The following DDX50 variants were observed in gnomAD, a reference collection of about 807,000 sequenced individuals.
DDX50 encodes DExD-box helicase 50, also known as ATP-dependent RNA helicase DDX50.
DDX50 carries 56 observed loss-of-function variants against 94.8 expected under a neutral mutation model. The observed-to-expected ratio is 0.59, with a 90% confidence interval of 0.48 to 0.74. DDX50 has a LOEUF of 0.74. Among genes scored for constraint, DDX50 ranks in the 30% least tolerant of loss-of-function variants. DDX50 has a pLI of 0.00. For synonymous variants in DDX50, 264 were observed against 295.4 expected (o/e 0.89, Z 1.09); for missense variants, 713 against 881.2 (o/e 0.81, Z 2.42).
At chr10:68,929,345 T>G (rs1842184652) in intron 8 of DDX50, among the ~76,000 whole-genome samples, 1 of 150,304 alleles carries the variant, frequency 6.7e-6, no homozygotes, top group Non-Finnish European at 1.5e-5. Context: ...CCTTCCTTCC[T>G]TCCTTCTTTC....
chr10:68,920,695 C>T (rs186104774), intron 8 of DDX50, among the ~76,000 whole-genome samples: 139 of 151,808 alleles, frequency 9.2e-4, no homozygotes, highest in African/African-American at 3.3e-3. Context: ...GCTGTAATCC[C>T]AGCACTTTGG....
rs781458826 is a variant in DDX50 at position 68,934,308 on chromosome 10, G to A, written c.1349G>A (p.Arg450His). 7 of 1,613,704 alleles carry A rather than the reference G, an allele frequency of 4.3e-6. No individual in the cohort carries two copies. Among genetic ancestry groups the A allele is most frequent in the Admixed American group, 1.7e-5 (1 of 59,976 alleles). Reference protein sequence around the residue: ...KVLVATNVAARGLDIPEVDLV... With the variant: ...KVLVATNVAAHGLDIPEVDLV... Reference sequence around the variant, plus strand: ...TTGGTGGCAACCAATGTGGCTGCCCGTGGTTTGGACATTCCTGAAGTTGAC... The same window carrying A: ...TTGGTGGCAACCAATGTGGCTGCCCATGGTTTGGACATTCCTGAAGTTGAC... Residue 450 changes from arginine to histidine, a missense_variant, in exon 9 of 15, where the codon CGT becomes CAT. Around this residue, in one of 2 missense-constraint regions of DDX50, gnomAD observed 428 missense variants for 602.3 expected, o/e 0.71. Transcript: ENST00000373585. The surrounding 1 kb of genome is among the most constrained non-coding windows in gnomAD (Gnocchi z 4.0).
chr10:68,937,006 A>G lies in DDX50; in HGVS notation c.1666A>G (p.Lys556Glu). The change falls in exon 12 of 15, where the codon AAA becomes GAA. Residue 556 changes from lysine (K) to glutamate (E), a missense_variant. This residue lies in a region of DDX50 where 428 missense variants were observed against 602.3 expected (regional missense o/e 0.71). Transcript: ENST00000373585. ...RPSAQRLIEE[K>E]GAVDALAAAL... Reference sequence around the variant, plus strand: ...ATCAGCTCAGAGACTGATAGAAGAGAAAGGTGCAGTGGATGCATTGGCTGC... The same window carrying G: ...ATCAGCTCAGAGACTGATAGAAGAGGAAGGTGCAGTGGATGCATTGGCTGC... 6.2e-7 allele frequency: 1 copy of G among 1,612,266 alleles called. No individual in the cohort carries two copies. The highest frequency in any genetic ancestry group is 8.5e-7 in the Non-Finnish European group (1 of 1,179,862).
intron 8 of DDX50, among the ~76,000 whole-genome samples, chr10:68,932,183 G>A (rs1465353319): frequency 6.6e-6 from 1 of 152,218 alleles, no homozygotes; most frequent in East Asian, 1.9e-4. Flanking sequence ...GATAGCAAGT[G>A]CTCACTGAAT....
chr10:68,923,937 C>CTT lies in DDX50; in HGVS notation c.1239+3985_1239+3986dup, dbSNP rs56820953. On this transcript the variant is annotated intron_variant, in intron 8 of 14. Coordinates refer to ENST00000373585, the MANE Select transcript of DDX50 (RefSeq NM_024045.2). The stretch of plus-strand genomic sequence containing the variant: ...TCACTTTATTTGAGGAGATAGTCTG[C>CTT]TTTTTTTTTTTTTTTTTTTTTTTTT... Among the ~76,000 whole-genome samples, 13 of 42,444 alleles carry CTT rather than the reference C, an allele frequency of 3.1e-4. 2 individuals carry two copies. Among genetic ancestry groups the CTT allele is most frequent in the African/African-American group, 8.3e-4 (8 of 9,596 alleles). 27.8% of individuals were successfully genotyped at this position (42,444 alleles called of 152,430 possible).
intron 13 of DDX50, among the ~76,000 whole-genome samples, chr10:68,941,501 C>G (rs1195132175): frequency 1.3e-5 from 2 of 152,060 alleles, no homozygotes; most frequent in Non-Finnish European, 2.9e-5. Flanking sequence ...TTATTTACGA[C>G]TTTATAGTGA....
At chr10:68,924,239 T>A (rs1842018234) in intron 8 of DDX50, among the ~76,000 whole-genome samples, 2 of 152,146 alleles carry the variant, frequency 1.3e-5, no homozygotes, top group African/African-American at 4.8e-5. Flanking sequence ...CCCAAAGTGC[T>A]GGGATTACAG....
At chr10:68,931,589 C>T (rs530809855) in intron 8 of DDX50, among the ~76,000 whole-genome samples, 5 of 150,766 alleles carry the variant, frequency 3.3e-5, no homozygotes, top group Non-Finnish European at 4.4e-5. Flanking sequence ...TACAGGCGCC[C>T]GCCACCACAC....
chr10:68,906,560 G>A (rs1269476414), intron 1 of DDX50, 151 bp from the exon 2 acceptor site: 12 of 746,070 alleles, frequency 1.6e-5, no homozygotes, highest in South Asian at 7.5e-5. Context: ...TTAGAGCTTG[G>A]CATTAGTAAG....
Position 68,934,887 on chromosome 10 carries a change from G to T in DDX50, c.1490G>T (p.Arg497Ile). 1 of 1,613,132 alleles carries T rather than the reference G, an allele frequency of 6.2e-7. No individual in the cohort carries two copies. The highest frequency in any genetic ancestry group is 1.1e-5 in the South Asian group (1 of 90,916). ...ICICFYQPRE[R>I]GQLRYVEQKA... ...ATATGTTTTTATCAACCAAGAGAAA[G>T]AGGTCAACTAAGATATGTGGAACAA... Residue 497 changes from arginine (R) to isoleucine (I), a missense_variant, in exon 10 of 15, where the codon AGA becomes ATA. Physicochemically the swap from Arg to Ile is moderately conservative, Grantham distance 97. Transcript: ENST00000373585. This position sits in a 1 kb window ranked among gnomAD's most constrained non-coding sequence, Gnocchi z 4.0.
chr10:68,911,923 G>A (rs1319278458), intron 4 of DDX50, among the ~76,000 whole-genome samples: 2 of 152,106 alleles, frequency 1.3e-5, no homozygotes, highest in East Asian at 3.8e-4. Flanking sequence ...TGCACTTAAG[G>A]TTTGTAAAAG....
In DDX50 at chr10:68,938,761, ACATATACC is replaced by A. The variant is rs554740091; in HGVS notation, c.1755+1667_1755+1674del. Among the ~76,000 whole-genome samples the A allele has an allele frequency of 1.3e-4, 20 of 152,338 alleles. No individual in the cohort carries two copies. The South Asian group carries it at 3.9e-3, about 30-fold the overall frequency. ...CTCCATTCCGTTTATCCATATGTGT[ACATATACC>A]TATTTGTATGTATGTTTTTAAAAAT... On this transcript the variant is annotated intron_variant, in intron 12 of 14. Transcript: ENST00000373585.
intron 4 of DDX50, among the ~76,000 whole-genome samples, chr10:68,912,834 T>G (rs1459277770): frequency 2.0e-5 from 3 of 152,206 alleles, no homozygotes; most frequent in Non-Finnish European, 4.4e-5. Flanking sequence ...TCATGGAGCT[T>G]ACATTTTATT....
At chr10:68,916,818 G>A (rs1330531264) in intron 7 of DDX50, among the ~76,000 whole-genome samples, 1 of 152,072 alleles carries the variant, frequency 6.6e-6, no homozygotes, top group South Asian at 2.1e-4. Flanking sequence ...CTGAGTAGCT[G>A]GGATTACAGG....
intron 12 of DDX50, among the ~76,000 whole-genome samples, chr10:68,937,678 C>T (rs565556272): frequency 8.7e-4 from 132 of 151,792 alleles, no homozygotes; most frequent in Non-Finnish European, 1.5e-3. Context: ...CTCTCCCTCC[C>T]GGGTTCAAGC....
chr10:68,939,641 C>CTTCCCCTCTAATAACCATG (rs1842509628), intron 12 of DDX50, among the ~76,000 whole-genome samples: 1 of 152,014 alleles, frequency 6.6e-6, no homozygotes, highest in Non-Finnish European at 1.5e-5. Context: ...CTTGAATGTT[C>CTTCCCCTCTAATAACCATG]TTCCCCTCTA....
At chr10:68,912,352 C>G (rs1275426296) in intron 4 of DDX50, among the ~76,000 whole-genome samples, 1 of 152,058 alleles carries the variant, frequency 6.6e-6, no homozygotes, top group Non-Finnish European at 1.5e-5. Flanking sequence ...GTAGGTAGGA[C>G]TGCAGGCAGG....
chr10:68,917,024 A>G (rs1367445387), intron 7 of DDX50, among the ~76,000 whole-genome samples: 2 of 152,068 alleles, frequency 1.3e-5, no homozygotes, highest in Admixed American at 6.6e-5. Flanking sequence ...TAGTGTGCAC[A>G]TTGCCCTTGC....
rs1375723802 is a variant in DDX50, at chr10:68,934,068, G to A, written c.1240-131G>A. 2 of 776,728 alleles carry A rather than the reference G, an allele frequency of 2.6e-6. No homozygotes were observed. Among genetic ancestry groups the A allele is most frequent in the Non-Finnish European group, 3.7e-6 (2 of 547,670 alleles). 48.1% of individuals were successfully genotyped at this position (776,728 alleles called of 1,614,324 possible). A position where few individuals can be genotyped will look rare whatever the true frequency, so the allele number is the denominator to read the frequency against. ...TCATGTTTGACTTTTTTTTTTTACAGTAAGCATGCATTGTTAAAATCATCA... is the reference window on the plus strand; with the variant it reads ...TCATGTTTGACTTTTTTTTTTTACAATAAGCATGCATTGTTAAAATCATCA... On this transcript the variant is annotated intron_variant, in intron 8 of 14. Coordinates refer to ENST00000373585, the MANE Select transcript of DDX50 (RefSeq NM_024045.2). This position sits in a 1 kb window ranked among gnomAD's most constrained non-coding sequence, Gnocchi z 4.0.
Sources: allele counts gnomAD v4.1 joint callset (sites outside exome capture counted in the v4.1 genomes callset), GRCh38; gene constraint gnomAD v4.1.1; regional missense constraint gnomAD v4.1.1; non-coding constraint Gnocchi (gnomAD v3.1); transcripts MANE v1.5; gene names NCBI Gene and HGNC (gene_info 2026-07-23, HGNC 2026-07-21).